ADGRL2: variants seen among roughly 807,000 people sequenced by gnomAD.
The protein encoded by ADGRL2 is adhesion G protein-coupled receptor L2, also known as calcium-independent alpha-latrotoxin receptor 2.
Under a neutral mutation model 157.4 loss-of-function variants are expected in ADGRL2, and 44 were observed. That is an observed-to-expected ratio of 0.28 (90% CI 0.22 to 0.36). ADGRL2 has a LOEUF of 0.36. Among genes scored for constraint, ADGRL2 ranks in the 10% least tolerant of loss-of-function variants. The pLI is 1.00. For synonymous variants in ADGRL2, 585 were observed against 624.7 expected (o/e 0.94, Z 0.95); for missense variants, 1,510 against 1,768.9 (o/e 0.85, Z 2.63).
chr1:81,723,316 G>A (rs569133101), intron 1 of ADGRL2, among the ~76,000 whole-genome samples: 8 of 152,210 alleles, frequency 5.3e-5, no homozygotes, highest in Non-Finnish European at 8.8e-5. Context: ...TCCCCCAAAT[G>A]CAACTGAAGC....
intron 1 of ADGRL2, among the ~76,000 whole-genome samples, chr1:81,336,977 G>A (rs1661687695): frequency 6.6e-6 from 1 of 152,160 alleles, no homozygotes; most frequent in African/African-American, 2.4e-5. Context: ...GAGCAGCAGA[G>A]AAGGAAAGAA....
chr1:81,461,940 G>GT (rs964213430), intron 2 of ADGRL2, among the ~76,000 whole-genome samples: 2 of 145,092 alleles, frequency 1.4e-5, no homozygotes, highest in Admixed American at 6.8e-5. Context: ...AGGGGGGGGG[G>GT]GGTGGTGGAG....
chr1:81,669,943 A>C (rs1214514862), intron 3 of ADGRL2, among the ~76,000 whole-genome samples: 2 of 48,746 alleles, frequency 4.1e-5, no homozygotes, highest in Non-Finnish European at 8.2e-5. Flanking sequence ...ACTACGTCTC[A>C]AAAAAAAAAA....
rs12059679 is a variant in ADGRL2, at chr1:81,885,903, G to A, written c.74-21114G>A. ...ACTGATGTTACTCCAAAACTGTGAC[G>A]AATTAGGCTTAACATGTAGTTTTTT... On this transcript the variant is annotated intron_variant, in intron 2 of 23. Transcript: ENST00000686636. 5.0e-3 allele frequency among the ~76,000 whole-genome samples: 762 copies of A among 152,186 alleles called. 6 individuals carry two copies. The highest frequency in any genetic ancestry group is 0.015 in the African/African-American group (640 of 41,538).
chr1:81,536,710 AT>A (rs1292096783), intron 2 of ADGRL2, among the ~76,000 whole-genome samples: 1 of 152,128 alleles, frequency 6.6e-6, no homozygotes, highest in Non-Finnish European at 1.5e-5. Flanking sequence ...GATCAGACTT[AT>A]AGTTAGAATT....
chr1:81,858,034 G>A (rs17107369), intron 2 of ADGRL2, among the ~76,000 whole-genome samples: 7,224 of 152,052 alleles, frequency 0.048, 508 homozygotes, highest in African/African-American at 0.15. Context: ...GTTGCGATTA[G>A]GGAAATAGGA....
chr1:81,756,935 C>T (rs952244879), intron 1 of ADGRL2, among the ~76,000 whole-genome samples: 1 of 152,144 alleles, frequency 6.6e-6, no homozygotes, highest in African/African-American at 2.4e-5. Context: ...TTTCCTCCTA[C>T]TGTTATTCAT....
intron 2 of ADGRL2, chr1:81,501,888 G>C: frequency 3.1e-6 from 5 of 1,608,620 alleles, no homozygotes; most frequent in Non-Finnish European, 3.4e-6. Context: ...CAGCAGATGA[G>C]AGAAGCCCAG....
intron 1 of ADGRL2, among the ~76,000 whole-genome samples, chr1:81,349,841 C>T (rs1221083558): frequency 2.0e-5 from 3 of 151,888 alleles, no homozygotes; most frequent in Non-Finnish European, 2.9e-5. Flanking sequence ...GGTAATGTTT[C>T]ATTAGGAAGG....
chr1:81,560,638 T>A (rs560580307), intron 2 of ADGRL2, among the ~76,000 whole-genome samples: 1 of 152,286 alleles, frequency 6.6e-6, no homozygotes, highest in Admixed American at 6.5e-5. Context: ...TAGAATCTTA[T>A]TATTGTTCAA....
chr1:81,726,329 T>A (rs781513697), intron 1 of ADGRL2, among the ~76,000 whole-genome samples: 4 of 152,188 alleles, frequency 2.6e-5, no homozygotes, highest in Non-Finnish European at 5.9e-5. Flanking sequence ...AATACTGGGT[T>A]ACTGAAACCC....
intron 2 of ADGRL2, among the ~76,000 whole-genome samples, chr1:81,490,656 C>T (rs1002187147): frequency 6.6e-6 from 1 of 152,098 alleles, no homozygotes; most frequent in Admixed American, 6.5e-5. Flanking sequence ...ATAACAATAC[C>T]AATGATGTAC....
At chr1:81,860,343 T>C (rs2093351043) in intron 2 of ADGRL2, among the ~76,000 whole-genome samples, 2 of 152,210 alleles carry the variant, frequency 1.3e-5, no homozygotes, top group South Asian at 4.1e-4. Flanking sequence ...TTTTATTTAT[T>C]AACTTCCTAT....
At chr1:81,482,073 A>G (rs1017771960) in intron 2 of ADGRL2, among the ~76,000 whole-genome samples, 5 of 152,216 alleles carry the variant, frequency 3.3e-5, no homozygotes, top group African/African-American at 1.2e-4. Flanking sequence ...ACCCAAGGTT[A>G]AAAGTTGCCT....
intron 1 of ADGRL2, among the ~76,000 whole-genome samples, chr1:81,760,584 CA>C (rs1374758751): frequency 1.1e-4 from 16 of 151,904 alleles, no homozygotes; most frequent in African/African-American, 3.4e-4. Context: ...TGGGGATAGA[CA>C]TCTATAAAAA....
intron 2 of ADGRL2, among the ~76,000 whole-genome samples, chr1:81,521,182 A>G (rs1166167934): frequency 6.6e-6 from 1 of 152,212 alleles, no homozygotes; most frequent in Non-Finnish European, 1.5e-5. Flanking sequence ...AACACATGGC[A>G]GCTGATGAAT....
At chr1:81,375,262 A>T (rs146896575) in intron 1 of ADGRL2, among the ~76,000 whole-genome samples, 268 of 152,352 alleles carry the variant, frequency 1.8e-3, no homozygotes, top group African/African-American at 6.3e-3. Context: ...AGGAGGTATC[A>T]GTATAGCCCA....
At chr1:81,863,711 T>G (rs543616609) in intron 2 of ADGRL2, among the ~76,000 whole-genome samples, 2 of 152,294 alleles carry the variant, frequency 1.3e-5, no homozygotes, top group South Asian at 4.1e-4. Flanking sequence ...TATCATATAT[T>G]GAGTGCAAGC....
intron 1 of ADGRL2, among the ~76,000 whole-genome samples, chr1:81,747,224 T>A (rs950345262): frequency 6.8e-6 from 1 of 147,006 alleles, no homozygotes; most frequent in African/African-American, 2.5e-5. Context: ...TGTGTATATA[T>A]GTATATATAC....
Sources: allele counts gnomAD v4.1 joint callset (sites outside exome capture counted in the v4.1 genomes callset), GRCh38; gene constraint gnomAD v4.1.1; transcripts MANE v1.5; gene names NCBI Gene and HGNC (gene_info 2026-07-23, HGNC 2026-07-21).